The following PTPRT variants were observed in gnomAD, a reference collection of about 807,000 sequenced individuals.
The protein encoded by PTPRT is receptor-type tyrosine-protein phosphatase T.
PTPRT carries 56 observed loss-of-function variants against 176.8 expected under a neutral mutation model. The observed-to-expected ratio is 0.32, with a 90% CI of 0.26 to 0.40. PTPRT has a LOEUF of 0.40. PTPRT is among the 10% of genes least tolerant of loss of function. The probability of loss-of-function intolerance (pLI) is 1.00; values close to 1 mark genes in which losing one functional copy is unlikely to be tolerated. For synonymous variants in PTPRT, 783 were observed against 739.0 expected (o/e 1.06, Z -0.96); for missense variants, 1,540 against 1,908.2 (o/e 0.81, Z 3.60).
chr20:42,369,777 G>T (rs148848415), intron 9 of PTPRT, among the ~76,000 whole-genome samples: 1 of 152,172 alleles, frequency 6.6e-6, no homozygotes, highest in Non-Finnish European at 1.5e-5. Flanking sequence ...AGAAGCCTGG[G>T]TATCGGGTTT....
chr20:42,042,103 TC>T, the PTPRT span, among the ~76,000 whole-genome samples: 1 of 152,180 alleles, frequency 6.6e-6, no homozygotes, highest in South Asian at 2.1e-4. Context: ...TACTGACTTT[TC>T]CTCTGTTCAC....
At chr20:42,032,508 T>G in the PTPRT span, among the ~76,000 whole-genome samples, 1 of 152,200 alleles carries the variant, frequency 6.6e-6, no homozygotes, top group Non-Finnish European at 1.5e-5. Context: ...GAAAGGCCAC[T>G]CATTTCTTAT....
At chr20:42,142,657 T>C (rs1312539979) in intron 17 of PTPRT, among the ~76,000 whole-genome samples, 1 of 152,236 alleles carries the variant, frequency 6.6e-6, no homozygotes, top group Non-Finnish European at 1.5e-5. Flanking sequence ...TTTTTTCTTA[T>C]ACATACATAC....
intron 1 of PTPRT, among the ~76,000 whole-genome samples, chr20:43,025,193 T>G (rs1430571181): frequency 6.6e-6 from 1 of 152,184 alleles, no homozygotes; most frequent in Non-Finnish European, 1.5e-5. Context: ...CTAGATACCT[T>G]ACAAATGTTT....
At chr20:42,413,708 T>C (rs1406428381) in intron 9 of PTPRT, among the ~76,000 whole-genome samples, 1 of 152,188 alleles carries the variant, frequency 6.6e-6, no homozygotes, top group South Asian at 2.1e-4. Flanking sequence ...GGTTTATACC[T>C]TTCCCAAGAT....
At chr20:42,799,130 G>A (rs940260637) in intron 2 of PTPRT, among the ~76,000 whole-genome samples, 7 of 151,962 alleles carry the variant, frequency 4.6e-5, no homozygotes, top group African/African-American at 1.7e-4. Context: ...TGAAAACTAA[G>A]ATGAAGAAAG....
At chr20:42,654,004 C>T (rs1053268587) in intron 7 of PTPRT, among the ~76,000 whole-genome samples, 5 of 152,064 alleles carry the variant, frequency 3.3e-5, no homozygotes, top group African/African-American at 1.2e-4. Flanking sequence ...AATCTCCTGA[C>T]CACAAAGTAA....
intron 1 of PTPRT, among the ~76,000 whole-genome samples, chr20:43,149,128 A>G (rs879488161): frequency 4.6e-5 from 7 of 152,236 alleles, no homozygotes; most frequent in Non-Finnish European, 1.0e-4. Context: ...GATTTGTGCA[A>G]TTATAGAATA....
At chr20:42,124,004 G>GA (rs1354493821) in intron 19 of PTPRT, among the ~76,000 whole-genome samples, 1 of 152,170 alleles carries the variant, frequency 6.6e-6, no homozygotes, top group Non-Finnish European at 1.5e-5. Flanking sequence ...CATTGGCCTT[G>GA]AAAAATTCAT....
At chr20:42,287,664 G>A (rs972654413) in intron 12 of PTPRT, among the ~76,000 whole-genome samples, 11 of 151,816 alleles carry the variant, frequency 7.2e-5, no homozygotes, top group African/African-American at 2.7e-4. Context: ...CTGTAGCCCT[G>A]TAGGATGACT....
intron 27 of PTPRT, among the ~76,000 whole-genome samples, chr20:42,088,799 C>T (rs1395499431): frequency 1.3e-4 from 20 of 152,108 alleles, no homozygotes. Flanking sequence ...GTTTGGCAAC[C>T]CCTACTTTAT....
intron 7 of PTPRT, among the ~76,000 whole-genome samples, chr20:42,654,763 G>T (rs541767568): frequency 2.0e-5 from 3 of 152,140 alleles, no homozygotes; most frequent in Admixed American, 2.0e-4. Context: ...GAGAAGTTTA[G>T]TAAGTTGCTC....
chr20:42,403,922 A>T (rs2058934739), intron 9 of PTPRT, among the ~76,000 whole-genome samples: 1 of 151,654 alleles, frequency 6.6e-6, no homozygotes, highest in African/African-American at 2.4e-5. Context: ...ATGGGAGTCT[A>T]CCTCCTCACC....
intron 9 of PTPRT, among the ~76,000 whole-genome samples, chr20:42,359,952 T>C (rs895864584): frequency 1.3e-5 from 2 of 152,234 alleles, no homozygotes; most frequent in Non-Finnish European, 2.9e-5. Context: ...GTGGGGAAGT[T>C]AACTCGTTTG....
At chr20:42,453,484 C>A (rs1254144275) in intron 8 of PTPRT, among the ~76,000 whole-genome samples, 1 of 151,690 alleles carries the variant, frequency 6.6e-6, no homozygotes. Flanking sequence ...ATGAATAGTT[C>A]AAAGAATAAT....
At chr20:42,317,748 T>A (rs2057741166) in intron 11 of PTPRT, among the ~76,000 whole-genome samples, 1 of 152,076 alleles carries the variant, frequency 6.6e-6, no homozygotes, top group Non-Finnish European at 1.5e-5. Flanking sequence ...ATATGGCAAG[T>A]TTTCCCCTGA....
At chr20:42,208,274 T>C (rs1424523433) in intron 15 of PTPRT, among the ~76,000 whole-genome samples, 2 of 139,020 alleles carry the variant, frequency 1.4e-5, no homozygotes, top group East Asian at 2.0e-4. Context: ...AATGACAGAA[T>C]CAAATTCACA....
At chr20:42,632,895 C>A (rs184924069) in intron 7 of PTPRT, among the ~76,000 whole-genome samples, 32 of 152,062 alleles carry the variant, frequency 2.1e-4, no homozygotes, top group African/African-American at 7.2e-4. Context: ...GAAGGGATAG[C>A]CAGGTGGCAC....
At chr20:42,573,665 G>A (rs745948231) in intron 7 of PTPRT, among the ~76,000 whole-genome samples, 3 of 151,826 alleles carry the variant, frequency 2.0e-5, no homozygotes, top group Non-Finnish European at 2.9e-5. Flanking sequence ...ACTTATCAGA[G>A]CAGGTTCTCC....
Sources: allele counts gnomAD v4.1 joint callset (sites outside exome capture counted in the v4.1 genomes callset), GRCh38; gene constraint gnomAD v4.1.1; transcripts MANE v1.5; gene names NCBI Gene and HGNC (gene_info 2026-07-23, HGNC 2026-07-21).